The following NFIA variants were observed in gnomAD, a reference collection of about 807,000 sequenced individuals.
NFIA encodes the protein nuclear factor 1 A-type.
In NFIA, 8 loss-of-function variants were observed where a neutral mutation model predicts 62.8. The observed-to-expected ratio is 0.13, with a 90% CI of 0.07 to 0.23. NFIA has a LOEUF of 0.23. Among genes scored for constraint, NFIA ranks in the 10% least tolerant of loss-of-function variants. The pLI is 1.00. For missense variants in NFIA, 410 were observed against 642.1 expected (o/e 0.64, Z 3.91); for synonymous variants, 235 against 238.1 (o/e 0.99, Z 0.12).
chr1:61,081,751 C>T, upstream of NFIA: 2 of 934,260 alleles, frequency 2.1e-6, no homozygotes, highest in Non-Finnish European at 3.1e-6. Flanking sequence ...TTCCTCACCA[C>T]CCCCGCTTCT....
At chr1:61,192,026 C>T (rs1340499155) in intron 2 of NFIA, among the ~76,000 whole-genome samples, 1 of 151,788 alleles carries the variant, frequency 6.6e-6, no homozygotes, top group Non-Finnish European at 1.5e-5. Context: ...GTGGTGCAGT[C>T]TCAGCTCACT....
At chr1:61,113,548 T>C (rs1055978498) in intron 2 of NFIA, among the ~76,000 whole-genome samples, 1 of 132,374 alleles carries the variant, frequency 7.6e-6, no homozygotes, top group African/African-American at 2.9e-5. Context: ...GAGCTGAGAG[T>C]GCACCATTGC....
chr1:61,317,488 A>C (rs1160314330), intron 3 of NFIA, among the ~76,000 whole-genome samples: 1 of 152,090 alleles, frequency 6.6e-6, no homozygotes, highest in Non-Finnish European at 1.5e-5. Flanking sequence ...ATATGATTAT[A>C]TTTAGGAATT....
At chr1:61,384,082 A>G (rs1664562273) in intron 7 of NFIA, among the ~76,000 whole-genome samples, 1 of 152,238 alleles carries the variant, frequency 6.6e-6, no homozygotes, top group African/African-American at 2.4e-5. Flanking sequence ...ATTGCAAGAT[A>G]AAAATATTTA....
intron 3 of NFIA, among the ~76,000 whole-genome samples, chr1:61,288,323 C>T (rs1658641680): frequency 6.6e-6 from 1 of 152,134 alleles, no homozygotes; most frequent in Non-Finnish European, 1.5e-5. Flanking sequence ...CCATATTTTT[C>T]ATGTGCAATA....
At chr1:61,245,050 A>G (rs1194509700) in intron 2 of NFIA, among the ~76,000 whole-genome samples, 1 of 152,200 alleles carries the variant, frequency 6.6e-6, no homozygotes, top group East Asian at 1.9e-4. Flanking sequence ...TCAAACATGT[A>G]TTATGTATAG....
intron 3 of NFIA, among the ~76,000 whole-genome samples, chr1:61,321,404 C>G (rs546105132): frequency 1.4e-5 from 2 of 143,046 alleles, no homozygotes; most frequent in Non-Finnish European, 3.0e-5. Context: ...GTTGACATGA[C>G]GAGAGAGAGA....
At chr1:61,300,927 G>A (rs1198704986) in intron 3 of NFIA, among the ~76,000 whole-genome samples, 1 of 152,054 alleles carries the variant, frequency 6.6e-6, no homozygotes, top group African/African-American at 2.4e-5. Context: ...GTAAAAATCA[G>A]AGAAAAAGAA....
chr1:61,263,288 AAGAC>A (rs1656885942), intron 2 of NFIA, among the ~76,000 whole-genome samples: 1 of 152,194 alleles, frequency 6.6e-6, no homozygotes, highest in Non-Finnish European at 1.5e-5. Flanking sequence ...AATCTGCAAA[AAGAC>A]AGAGGTGATA....
chr1:61,243,008 C>CT (rs952919750), intron 2 of NFIA, among the ~76,000 whole-genome samples: 18 of 150,888 alleles, frequency 1.2e-4, no homozygotes, highest in Admixed American at 3.3e-4. Flanking sequence ...CTTTTCGGTC[C>CT]TTTTTTTAAT....
intron 4 of NFIA, among the ~76,000 whole-genome samples, chr1:61,342,461 A>G (rs1187220619): frequency 1.3e-5 from 2 of 152,202 alleles, no homozygotes; most frequent in African/African-American, 4.8e-5. Context: ...GACCTCAACC[A>G]AAAGCTAAGA....
At chr1:61,317,123 A>G (rs892267083) in intron 3 of NFIA, among the ~76,000 whole-genome samples, 4 of 152,156 alleles carry the variant, frequency 2.6e-5, no homozygotes, top group African/African-American at 4.8e-5. Context: ...GCAGCATGGC[A>G]TATTTAGTTA....
intron 2 of NFIA, among the ~76,000 whole-genome samples, chr1:61,171,461 C>G (rs1248283428): frequency 6.6e-6 from 1 of 152,022 alleles, no homozygotes; most frequent in East Asian, 1.9e-4. Context: ...ATTTTTTTCT[C>G]TGGTTGAGCC....
At chr1:61,403,949 G>GA in intron 7 of NFIA, 155 bp from the exon 8 acceptor site, 2 of 802,278 alleles carry the variant, frequency 2.5e-6, no homozygotes, top group Non-Finnish European at 3.9e-6. Context: ...CCTTAAGGAA[G>GA]AAAATCTGTC....
chr1:61,450,156 G>A (rs1448689492), intron 10 of NFIA, among the ~76,000 whole-genome samples: 1 of 152,160 alleles, frequency 6.6e-6, no homozygotes, highest in East Asian at 1.9e-4. Flanking sequence ...TACAGGGCAG[G>A]GACTATATTT....
At chr1:61,207,581 G>T (rs1330659328) in intron 2 of NFIA, among the ~76,000 whole-genome samples, 1 of 152,066 alleles carries the variant, frequency 6.6e-6, no homozygotes, top group Non-Finnish European at 1.5e-5. Flanking sequence ...TGTGAGCAGT[G>T]CAGGGAAATC....
chr1:61,268,622 CTGTGTTTTCCTGTTGA>C (rs1362198979), intron 2 of NFIA, among the ~76,000 whole-genome samples: 2 of 152,128 alleles, frequency 1.3e-5, no homozygotes, highest in Admixed American at 1.3e-4. Flanking sequence ...AAAAGGAAAG[CTGTGTTTTCCTGTTGA>C]TGCACAAAGG....
intron 10 of NFIA, among the ~76,000 whole-genome samples, chr1:61,434,711 G>T (rs896096939): frequency 2.6e-5 from 4 of 152,126 alleles, no homozygotes; most frequent in Non-Finnish European, 5.9e-5. Flanking sequence ...TAAGGTCTCT[G>T]CCATAGTATC....
chr1:61,079,211 G>C (rs1479533927), upstream of NFIA, among the ~76,000 whole-genome samples: 1 of 152,184 alleles, frequency 6.6e-6, no homozygotes, highest in Non-Finnish European at 1.5e-5. Context: ...AAGAAAAAAT[G>C]TTGAAAAATG....
Sources: gnomAD v4.1 joint callset for allele counts (sites outside exome capture counted in the v4.1 genomes callset) on GRCh38, gnomAD v4.1.1 for gene constraint, MANE v1.5 for transcripts, NCBI Gene and HGNC (gene_info 2026-07-23, HGNC 2026-07-21) for gene names.